COLGALT1: variants seen among roughly 807,000 people sequenced by gnomAD.
The protein encoded by COLGALT1 is collagen beta(1-O)galactosyltransferase 1.
In COLGALT1, 43 loss-of-function variants were observed where a neutral mutation model predicts 60.8. That is an observed-to-expected ratio of 0.71 (90% CI 0.55 to 0.91). COLGALT1 has a LOEUF of 0.91. Ranked by LOEUF, COLGALT1 falls within the 40% of genes least tolerant of loss-of-function variation. The probability of loss-of-function intolerance (pLI) is 0.00; values close to 1 mark genes in which losing one functional copy is unlikely to be tolerated. For synonymous variants in COLGALT1, 369 were observed against 374.2 expected, an observed-to-expected ratio of 0.99 and a Z score of 0.16; for missense variants, 845 against 880.0, an observed-to-expected ratio of 0.96 and a Z score of 0.50.
intron 10 of COLGALT1, among the ~76,000 whole-genome samples, 155 bp downstream of exon 10, chr19:17,579,764 T>C (rs1416175357): frequency 1.3e-5 from 2 of 151,428 alleles, no homozygotes; most frequent in Non-Finnish European, 2.9e-5. Context: ...CCTAGGTACA[T>C]GGCCAGGGCT....
In COLGALT1 at chr19:17,558,991, T is replaced by C. The variant is rs569220636; in HGVS notation, c.261-320T>C. 2.2e-3 allele frequency among the ~76,000 whole-genome samples: 327 copies of C among 151,984 alleles called. 1 individual carries two copies. Among genetic ancestry groups the C allele is most frequent in the African/African-American group, 7.3e-3 (303 of 41,456 alleles). ...CTGGCCAACATGGTGAAACCCCGTC[T>C]CTACTAAAAATACAAAAAAATTAGC... is the stretch of plus-strand genomic sequence containing the variant. On this transcript the variant is annotated intron_variant, in intron 1 of 11. Coordinates refer to ENST00000252599, the MANE Select transcript of COLGALT1 (RefSeq NM_024656.4).
intron 4 of COLGALT1, 40 bp downstream of exon 4, chr19:17,567,580 C>T: frequency 6.3e-7 from 1 of 1,595,170 alleles, no homozygotes; most frequent in Non-Finnish European, 8.5e-7. Context: ...CTGGGCTGAG[C>T]AGGGGGGTGC....
intron 6 of COLGALT1, among the ~76,000 whole-genome samples, chr19:17,573,827 C>T (rs1426231320): frequency 1.3e-5 from 2 of 150,972 alleles, no homozygotes; most frequent in Non-Finnish European, 3.0e-5. Context: ...AAAAAAATAA[C>T]AAAAATTAGC....
chr19:17,560,257 A>G (rs779641687), intron 2 of COLGALT1, 91 bp from the exon 3 acceptor site: 30 of 922,150 alleles, frequency 3.3e-5, no homozygotes, highest in Non-Finnish European at 5.2e-5. Context: ...TCCTCCAGGA[A>G]GCTCTCTCTG....
At chr19:17,567,126 G>C (rs1344241446) in intron 3 of COLGALT1, among the ~76,000 whole-genome samples, 1 of 151,882 alleles carries the variant, frequency 6.6e-6, no homozygotes, top group Non-Finnish European at 1.5e-5. Context: ...AAAAAAAAAA[G>C]GTTTTGCTAC....
chr19:17,560,766 T>G (rs2076244192), intron 3 of COLGALT1, among the ~76,000 whole-genome samples: 1 of 151,944 alleles, frequency 6.6e-6, no homozygotes, highest in East Asian at 2.0e-4. Context: ...AGAGACTCAC[T>G]CTGGTGCCCA....
chr19:17,581,014 C>G, intron 11 of COLGALT1, 109 bp downstream of exon 11: 2 of 1,439,062 alleles, frequency 1.4e-6, no homozygotes, highest in East Asian at 2.3e-5. Flanking sequence ...CTTTTGCCTA[C>G]TTCTCCCTCC....
chr19:17,572,462 T>TTGCTTCCC, intron 5 of COLGALT1, 21 bp from the exon 6 acceptor site: 1 of 1,613,924 alleles, frequency 6.2e-7, no homozygotes, highest in East Asian at 2.2e-5. Context: ...CATTTGTCTG[T>TTGCTTCCC]TGCTTCCCTG....
At chr19:17,569,342 C>T (rs369985861) in intron 5 of COLGALT1, among the ~76,000 whole-genome samples, 83 of 152,216 alleles carry the variant, frequency 5.5e-4, no homozygotes, top group African/African-American at 1.8e-3. Flanking sequence ...GGGCATCCAT[C>T]CCCAAATAAT....
intron 1 of COLGALT1, among the ~76,000 whole-genome samples, chr19:17,557,636 C>T (rs1369355417): frequency 6.6e-6 from 1 of 151,864 alleles, no homozygotes; most frequent in African/African-American, 2.4e-5. Context: ...GGTTTTACAT[C>T]TGTCGCCCAG....
At chr19:17,577,488 TGGGGGGGC>T in intron 8 of COLGALT1, 21 bp downstream of exon 8, 3 of 17,084 alleles carry the variant, frequency 1.8e-4, no homozygotes, top group Non-Finnish European at 3.1e-4. Flanking sequence ...GGCCTGGGGG[TGGGGGGGC>T]GGGTCCGCAC....
chr19:17,575,980 A>G (rs1270890114), intron 6 of COLGALT1, among the ~76,000 whole-genome samples: 1 of 152,184 alleles, frequency 6.6e-6, no homozygotes, highest in African/African-American at 2.4e-5. Flanking sequence ...GCATGATCTC[A>G]TGACATCTCT....
At chr19:17,565,818 A>G (rs2076276699) in intron 3 of COLGALT1, among the ~76,000 whole-genome samples, 1 of 152,160 alleles carries the variant, frequency 6.6e-6, no homozygotes, top group South Asian at 2.1e-4. Flanking sequence ...TTTGTTCTGC[A>G]TTAATATTCA....
Position 17,582,032 on chromosome 19 carries a change from CCAAGTAGCT to C in COLGALT1, c.*589_*597del. ...CCAGCAATTCTTGTTTCTCGGCCTC[CCAAGTAGCT>C]GGGACTATAGGTGCGTGCCATCACA... On this transcript the variant is annotated 3_prime_UTR_variant, in exon 12 of 12. Transcript: ENST00000252599. 6.4e-6 allele frequency: 1 copy of C among 155,708 alleles called. No homozygotes were observed. Among genetic ancestry groups the C allele is most frequent in the Non-Finnish European group, 1.4e-5 (1 of 70,072 alleles). The allele number at this position is 155,708 out of a possible 1,614,324, so 9.6% of individuals were successfully genotyped here.
chr19:17,577,414 G>T lies in COLGALT1; in HGVS notation c.1080G>T (p.Arg360=). ...RRQDRRERML[R]ALQAQEIECR... ...AGGACCGGCGGGAGCGCATGCTGCG[G>T]GCGCTGCAGGCACAGGAGATCGAGT... Residue 360 remains arginine (R), a synonymous_variant, in exon 8 of 12, where the codon CGG becomes CGT. Coordinates refer to ENST00000252599, the MANE Select transcript of COLGALT1 (RefSeq NM_024656.4). 6.4e-7 allele frequency: 1 copy of T among 1,561,840 alleles called. No individual in the cohort carries two copies.
Position 17,568,534 on chromosome 19 carries a change from A to C in COLGALT1, c.650A>C (p.Tyr217Ser). ...GGCTACTACAAGCGCACACCTGCCT[A>C]CATCCCTATCCGCAAGCGAGACCGC... ...SQGYYKRTPAYIPIRKRDRRG... is the reference protein window; with the variant it reads ...SQGYYKRTPASIPIRKRDRRG... Residue 217 changes from tyrosine (Y) to serine (S), a missense_variant, in exon 5 of 12, where the codon TAC (tyrosine) becomes TCC (serine). Transcript: ENST00000252599. 2 of 1,614,170 alleles carry C rather than the reference A, an allele frequency of 1.2e-6. No homozygotes were observed. Among genetic ancestry groups the C allele is most frequent in the Non-Finnish European group, 1.7e-6 (2 of 1,180,014 alleles).
In COLGALT1 at chr19:17,579,526, C is replaced by G. The variant is rs1328924438; in HGVS notation, c.1311C>G (p.Asp437Glu). 6.2e-6 allele frequency: 10 copies of G among 1,613,914 alleles called. No homozygotes were observed. The Admixed American group carries it at 1.7e-4, about 27-fold the overall frequency. Residue 437 changes from aspartate to glutamate, a missense_variant, in exon 10 of 12, where the codon GAC becomes GAG. Asp to Glu is a conservative substitution (Grantham distance 45). Coordinates refer to ENST00000252599, the MANE Select transcript of COLGALT1 (RefSeq NM_024656.4). ...GLQKSLVFEDDLRFEIFFKRR... is the reference protein window; with the variant it reads ...GLQKSLVFEDELRFEIFFKRR... ...AGAAATCGCTTGTGTTTGAGGATGA[C>G]CTGCGTTTTGAGATCTTCTTCAAGA...
intron 1 of COLGALT1, among the ~76,000 whole-genome samples, chr19:17,557,967 C>A (rs533968531): frequency 2.6e-5 from 4 of 152,046 alleles, no homozygotes; most frequent in African/African-American, 4.8e-5. Context: ...GACTGAGTCT[C>A]GCTCTCGTTG....
At chr19:17,559,069 G>A (rs2076232478) in intron 1 of COLGALT1, among the ~76,000 whole-genome samples, 1 of 151,970 alleles carries the variant, frequency 6.6e-6, no homozygotes, top group African/African-American at 2.4e-5. Flanking sequence ...GCTGAGACAG[G>A]AGAAGGCGTG....
Sources: gnomAD v4.1 joint callset for allele counts (sites outside exome capture counted in the v4.1 genomes callset) on GRCh38, gnomAD v4.1.1 for gene constraint, MANE v1.5 for transcripts, NCBI Gene and HGNC (gene_info 2026-07-23, HGNC 2026-07-21) for gene names.